DNAAF1: variants seen among roughly 807,000 people sequenced by gnomAD.
The protein encoded by DNAAF1 is dynein axonemal assembly factor 1.
Under a neutral mutation model 71.1 loss-of-function variants are expected in DNAAF1, and 65 were observed. The ratio of observed to expected loss-of-function variants is 0.91; its 90% CI spans 0.75 to 1.12. The LOEUF (loss-of-function observed/expected upper bound fraction) is 1.12. Among genes scored for constraint, DNAAF1 ranks in the 50% most tolerant of loss-of-function variants. The probability of loss-of-function intolerance (pLI) is 0.00; values close to 1 mark genes in which losing one functional copy is unlikely to be tolerated. For synonymous variants in DNAAF1, 414 were observed against 354.6 expected (o/e 1.17, Z -1.88); for missense variants, 1,178 against 899.8 (o/e 1.31, Z -3.96).
chr16:84,149,254 C>T, intron 2 of DNAAF1, 112 bp downstream of exon 2: 1 of 1,387,994 alleles, frequency 7.2e-7, no homozygotes, highest in Non-Finnish European at 1.0e-6. Flanking sequence ...ATTGCCTGCC[C>T]AATGTCTGAG....
chr16:84,159,844 A>T, intron 6 of DNAAF1, 48 bp downstream of exon 6: 2 of 1,604,936 alleles, frequency 1.2e-6, no homozygotes, highest in Non-Finnish European at 1.7e-6. Context: ...TTAGTAGTTG[A>T]CCATGCTTAA....
rs2088239744 is a variant in DNAAF1, at chr16:84,170,022, G to A, written c.1194G>A (p.Glu398=). 6.2e-7 allele frequency: 1 copy of A among 1,613,876 alleles called. No individual in the cohort carries two copies. The highest frequency in any genetic ancestry group is 1.7e-5 in the Admixed American group (1 of 60,032). Residue 398 remains glutamate (E), a synonymous_variant, in exon 8 of 12, where the codon GAG becomes GAA. Coordinates refer to ENST00000378553, the MANE Select transcript of DNAAF1 (RefSeq NM_178452.6). ...GCCCGGAAAAGCCAAGTGGAGAGGA[G>A]CCGCCTGTGGAGGCTAAAAGAGAGG... is the stretch of plus-strand genomic sequence containing the variant. The part of the protein sequence containing the change: ...ELCPEKPSGE[E]PPVEAKREDG...
chr16:84,150,989 G>T (rs773576871), intron 3 of DNAAF1, among the ~76,000 whole-genome samples: 1 of 152,152 alleles, frequency 6.6e-6, no homozygotes, highest in South Asian at 2.1e-4. Context: ...GGGAAGGATT[G>T]CAGCTTGATG....
chr16:84,166,960 C>T (rs772678669), intron 7 of DNAAF1, among the ~76,000 whole-genome samples: 7 of 152,178 alleles, frequency 4.6e-5, no homozygotes, highest in Admixed American at 4.6e-4. Context: ...TGACACCAGC[C>T]GGCTGTCCTG....
Position 84,170,278 on chromosome 16 carries a change from G to A in DNAAF1, c.1450G>A (p.Glu484Lys). 2 of 1,610,042 alleles carry A rather than the reference G, an allele frequency of 1.2e-6. No homozygotes were observed. The highest frequency in any genetic ancestry group is 1.7e-6 in the Non-Finnish European group (2 of 1,178,148). The change falls in exon 8 of 12, where the codon GAG becomes AAG. Residue 484 changes from glutamate (E) to lysine (K), a missense_variant. Glu to Lys is a moderately conservative substitution (Grantham distance 56, BLOSUM62 1). Coordinates refer to ENST00000378553, the MANE Select transcript of DNAAF1 (RefSeq NM_178452.6). ...GTCACCGCCTGTGAAGGTTAAAGGAGAGGATGGAGATCGAGAGCCAGAGGG... is the reference window on the plus strand; with the variant it reads ...GTCACCGCCTGTGAAGGTTAAAGGAAAGGATGGAGATCGAGAGCCAGAGGG... Reference protein sequence around the residue: ...LLSPPVKVKGEDGDREPEGTL... With the variant: ...LLSPPVKVKGKDGDREPEGTL...
Position 84,148,596 on chromosome 16 carries a change from CTTTT to C in DNAAF1, c.125-396_125-393del, listed in dbSNP as rs765676142. 5.9e-3 allele frequency among the ~76,000 whole-genome samples: 256 copies of C among 43,580 alleles called. 6 individuals carry two copies. Among genetic ancestry groups the C allele is most frequent in the Non-Finnish European group, 6.4e-3 (155 of 24,098 alleles). 28.6% of individuals were successfully genotyped at this position (43,580 alleles called of 152,430 possible). A position where few individuals can be genotyped will look rare whatever the true frequency, so the allele number is the denominator to read the frequency against. On this transcript the variant is annotated intron_variant, in intron 1 of 11. Coordinates refer to ENST00000378553, the MANE Select transcript of DNAAF1 (RefSeq NM_178452.6). ...AAAGATTACTGTTCTCTCTCTCTCT[CTTTT>C]TTTTTTTTTTTTTTGGTGAGACGGG... is the stretch of plus-strand genomic sequence containing the variant.
At position 84,165,894 on chromosome 16, in the gene DNAAF1, C is replaced by T; in HGVS notation, c.975C>T (p.Ala325=). Reference sequence around the variant, plus strand: ...TCACAGACAGCATTGAAGCCTTGGCCATGATCAAGCAGCGGGCAGAGGAGA... The same window carrying T: ...TCACAGACAGCATTGAAGCCTTGGCTATGATCAAGCAGCGGGCAGAGGAGA... ...KKITDSIEAL[A]MIKQRAEERK... The change falls in exon 7 of 12, where the codon GCC becomes GCT. Residue 325 remains alanine (A), a synonymous_variant. Coordinates refer to ENST00000378553, the MANE Select transcript of DNAAF1 (RefSeq NM_178452.6). 1 of 1,613,502 alleles carries T rather than the reference C, an allele frequency of 6.2e-7. No individual in the cohort carries two copies. Among genetic ancestry groups the T allele is most frequent in the Middle Eastern group, 1.7e-4 (1 of 5,970 alleles).
intron 5 of DNAAF1, chr16:84,159,114 G>A (rs948557955): frequency 1.0e-6 from 1 of 992,156 alleles, no homozygotes; most frequent in African/African-American, 1.7e-5. Flanking sequence ...TGGCAGGTCG[G>A]ATTGCCGAGC....
Position 84,177,789 on chromosome 16 carries a change from A to AAGC in DNAAF1, c.2127_2129dup (p.Ala710dup). On this transcript the variant is annotated inframe_insertion, in exon 12 of 12. Coordinates refer to ENST00000378553, the MANE Select transcript of DNAAF1 (RefSeq NM_178452.6). ...TGTGTCGGAGTTGCCCAGCCCAGCC[A>AAGC]AGCTCTGCCCACGTGGGACCTCACT... is the stretch of plus-strand genomic sequence containing the variant. 1 of 1,614,118 alleles carries AAGC rather than the reference A, an allele frequency of 6.2e-7. No individual in the cohort carries two copies. The highest frequency in any genetic ancestry group is 2.2e-5 in the East Asian group (1 of 44,878).
intron 10 of DNAAF1, 123 bp from the exon 11 acceptor site, chr16:84,175,806 CCTTT>C (rs1431497451): frequency 1.6e-6 from 2 of 1,235,358 alleles, no homozygotes; most frequent in Non-Finnish European, 1.2e-6. Context: ...TTCCCTTGGG[CCTTT>C]CTTGGATGTG....
intron 5 of DNAAF1, among the ~76,000 whole-genome samples, chr16:84,157,064 C>T (rs1355546010): frequency 6.6e-6 from 1 of 151,982 alleles, no homozygotes; most frequent in African/African-American, 2.4e-5. Context: ...ATTGCTCAGG[C>T]TGGTTATTTA....
Position 84,145,561 on chromosome 16 carries a change from G to C in DNAAF1, c.121G>C (p.Glu41Gln), listed in dbSNP as rs1199802489. Residue 41 changes from glutamate (E) to glutamine (Q), a missense_variant, in exon 1 of 12, where the codon GAA (glutamate) becomes CAA (glutamine). Physicochemically the swap from Glu to Gln is conservative, Grantham distance 29. Transcript: ENST00000378553. ...GAGCGCAGGCCGAGGGGGCTGCAAG[G>C]AAGGTGCCGACTGCCCCCCAGGGAG... ...HGSAGRGGCK[E>Q]EINDPKEICV... 1 of 1,547,534 alleles carries C rather than the reference G, an allele frequency of 6.5e-7. No individual in the cohort carries two copies. The highest frequency in any genetic ancestry group is 1.2e-5 in the South Asian group (1 of 83,980).
At chr16:84,154,161 A>G (rs987402815) in intron 3 of DNAAF1, among the ~76,000 whole-genome samples, 5 of 152,208 alleles carry the variant, frequency 3.3e-5, no homozygotes, top group Non-Finnish European at 7.3e-5. Flanking sequence ...TGCTGTAACA[A>G]GAAACCGTAG....
Position 84,176,112 on chromosome 16 carries a change from A to T in DNAAF1, c.1878A>T (p.Lys626Asn). Residue 626 changes from lysine (K) to asparagine (N), a missense_variant, in exon 11 of 12, where the codon AAA becomes AAT. Physicochemically the swap from Lys to Asn is moderately conservative, Grantham distance 94 (BLOSUM62 0). Transcript: ENST00000378553. ...GGGTGCCCTTCACAGACATCTTTAA[A>T]AAAGAAGCTAAGAGGGACTTGGAAA... ...AARVPFTDIFKKEAKRDLEIR... is the reference protein window; with the variant it reads ...AARVPFTDIFNKEAKRDLEIR... 1 of 1,614,022 alleles carries T rather than the reference A, an allele frequency of 6.2e-7. No individual in the cohort carries two copies. The highest frequency in any genetic ancestry group is 1.7e-5 in the Admixed American group (1 of 59,990).
intron 8 of DNAAF1, among the ~76,000 whole-genome samples, chr16:84,171,427 G>A (rs2088337829): frequency 6.6e-6 from 1 of 152,132 alleles, no homozygotes; most frequent in Admixed American, 6.5e-5. Context: ...ACTCCAGCCG[G>A]GGTGACAGAG....
rs1597386527 is a variant in DNAAF1, at chr16:84,145,310, A to G, written c.-131A>G. On this transcript the variant is annotated 5_prime_UTR_variant, in exon 1 of 12. Transcript: ENST00000378553. Reference sequence around the variant, plus strand: ...GGCGACCGGGGAAGCGTTGGGCTGTAAAGACTAGGGCGCCAGCGGCTGGCG... The same window carrying G: ...GGCGACCGGGGAAGCGTTGGGCTGTGAAGACTAGGGCGCCAGCGGCTGGCG... The G allele has an allele frequency of 2.7e-6, 4 of 1,472,418 alleles. No homozygotes were observed. Among genetic ancestry groups the G allele is most frequent in the Middle Eastern group, 4.4e-4 (2 of 4,498 alleles). The allele number at this position is 1,472,418 out of a possible 1,614,324, so 91.2% of individuals were successfully genotyped here.
intron 10 of DNAAF1, chr16:84,175,386 A>C (rs1052891458): frequency 5.5e-6 from 1 of 181,276 alleles, no homozygotes; most frequent in Admixed American, 5.4e-5. Flanking sequence ...GGGGAAAGAA[A>C]GGGGTGAGTC....
At chr16:84,172,834 G>A in intron 9 of DNAAF1, 2 of 1,043,096 alleles carry the variant, frequency 1.9e-6, no homozygotes, top group South Asian at 3.5e-5. Flanking sequence ...GCTCTCACTG[G>A]CCTTCTGGCT....
At chr16:84,159,544 G>A in intron 5 of DNAAF1, 131 bp from the exon 6 acceptor site, 1 of 1,270,578 alleles carries the variant, frequency 7.9e-7, no homozygotes, top group Non-Finnish European at 1.1e-6. Context: ...CAAGTCACCA[G>A]GACAGGATAT....
Sources: allele counts gnomAD v4.1 joint callset (sites outside exome capture counted in the v4.1 genomes callset), GRCh38; gene constraint gnomAD v4.1.1; transcripts MANE v1.5; gene names NCBI Gene and HGNC (gene_info 2026-07-23, HGNC 2026-07-21).